Variants in SNX14 observed in about 807,000 individuals in gnomAD.
SNX14 encodes the protein sorting nexin-14.
Under a neutral mutation model 133.8 loss-of-function variants are expected in SNX14, and 93 were observed. The ratio of observed to expected loss-of-function variants is 0.70; its 90% CI spans 0.59 to 0.83. The LOEUF is 0.83. Among genes scored for constraint, SNX14 ranks in the 40% least tolerant of loss-of-function variants. The probability of loss-of-function intolerance (pLI) is 0.00; values close to 1 mark genes in which losing one functional copy is unlikely to be tolerated. For missense variants in SNX14, 945 were observed against 1,094.9 expected, an observed-to-expected ratio of 0.86 and a Z score of 1.93; for synonymous variants, 368 against 365.6, an observed-to-expected ratio of 1.01 and a Z score of -0.07.
chr6:85,556,403 G>GA (rs200591682), intron 7 of SNX14, among the ~76,000 whole-genome samples: 5 of 148,600 alleles, frequency 3.4e-5, no homozygotes, highest in Non-Finnish European at 6.0e-5. Flanking sequence ...ATCTCTGAAA[G>GA]AAAAAAAATT....
intron 1 of SNX14, chr6:85,581,953 C>A (rs1799184900): frequency 6.6e-6 from 1 of 151,986 alleles, no homozygotes; most frequent in African/African-American, 2.4e-5. Context: ...AGAGAACATC[C>A]CAAACCTAGA....
intron 5 of SNX14, among the ~76,000 whole-genome samples, chr6:85,567,122 A>AC (rs1158579439): frequency 6.6e-6 from 1 of 152,216 alleles, no homozygotes; most frequent in Admixed American, 6.5e-5. Context: ...TTAAATCACT[A>AC]CATTTAGGAG....
chr6:85,512,492 C>T (rs190959878), intron 26 of SNX14, among the ~76,000 whole-genome samples: 2 of 152,050 alleles, frequency 1.3e-5, no homozygotes, highest in African/African-American at 4.8e-5. Flanking sequence ...CGTGGTGGTG[C>T]AGGACTGTAG....
At chr6:85,548,492 G>C (rs1053946484) in intron 8 of SNX14, 116 bp from the exon 9 acceptor site, 3 of 763,110 alleles carry the variant, frequency 3.9e-6, no homozygotes, top group Non-Finnish European at 6.1e-6. Context: ...TAATTCAGTA[G>C]GTCTTGGTTA....
intron 8 of SNX14, 41 bp from the exon 9 acceptor site, chr6:85,548,417 T>C: frequency 1.4e-6 from 2 of 1,425,210 alleles, no homozygotes; most frequent in Non-Finnish European, 1.9e-6. Flanking sequence ...ATTTAGTGAT[T>C]TATATTAGTT....
intron 21 of SNX14, among the ~76,000 whole-genome samples, chr6:85,522,226 A>T (rs1422960929): frequency 1.3e-5 from 2 of 152,226 alleles, no homozygotes; most frequent in African/African-American, 4.8e-5. Flanking sequence ...TCACAAATCA[A>T]GTGTCCACAG....
intron 15 of SNX14, among the ~76,000 whole-genome samples, chr6:85,540,910 G>GCACACATTTACCTA (rs1783501626): frequency 6.6e-6 from 1 of 151,614 alleles, no homozygotes; most frequent in Non-Finnish European, 1.5e-5. Context: ...CACATATTAG[G>GCACACATTTACCTA]TAAATGAAAT....
chr6:85,521,421 C>T (rs1009293256), intron 21 of SNX14, among the ~76,000 whole-genome samples: 2 of 151,068 alleles, frequency 1.3e-5, no homozygotes, highest in African/African-American at 4.9e-5. Context: ...GTTTTTTTTT[C>T]GTAGAGACAG....
chr6:85,523,846 G>A lies in SNX14; in HGVS notation c.2107+2280C>T, dbSNP rs79953728. 5.6e-4 allele frequency among the ~76,000 whole-genome samples: 86 copies of A among 152,280 alleles called. 2 individuals are homozygous for A. In the East Asian group the frequency reaches 0.011, roughly 19 times the overall value. ...AATTTCAAGCATGGCTGAAATGACT[G>A]TAGTATCATTAACAGAATTACACGT... is the stretch of plus-strand genomic sequence containing the variant. On this transcript the variant is annotated intron_variant, in intron 21 of 28. Coordinates refer to ENST00000314673, the MANE Select transcript of SNX14 (RefSeq NM_153816.6).
Position 85,542,050 on chromosome 6 carries a change from A to T in SNX14, c.1390-7T>A. 1 of 1,517,794 alleles carries T rather than the reference A, an allele frequency of 6.6e-7. No individual in the cohort carries two copies. Among genetic ancestry groups the T allele is most frequent in the Non-Finnish European group, 9.0e-7 (1 of 1,116,758 alleles). 94.0% of individuals were successfully genotyped at this position (1,517,794 alleles called of 1,614,324 possible). ...TTAAAAGTTGTCTGAAATACTTTAA[A>T]ATAACAAATAATAATTATCATTTAT... On this transcript the variant is annotated splice_polypyrimidine_tract_variant and splice_region_variant and intron_variant, in intron 14 of 28. Transcript: ENST00000314673.
At chr6:85,587,129 C>T (rs1190383343) in intron 1 of SNX14, among the ~76,000 whole-genome samples, 1 of 152,132 alleles carries the variant, frequency 6.6e-6, no homozygotes. Context: ...ATCCTCCCAC[C>T]TCCACCTCCC....
At chr6:85,555,551 T>C (rs1360324388) in intron 7 of SNX14, among the ~76,000 whole-genome samples, 1 of 152,214 alleles carries the variant, frequency 6.6e-6, no homozygotes, top group Non-Finnish European at 1.5e-5. Context: ...GATCAGTGGT[T>C]GCCAGGGATT....
Position 85,526,162 on chromosome 6 carries a change from G to A in SNX14, c.2071C>T (p.Gln691Ter). The A allele has an allele frequency of 6.2e-7, 1 of 1,606,000 alleles. No homozygotes were observed. The highest frequency in any genetic ancestry group is 2.2e-5 in the East Asian group (1 of 44,636). Reference protein sequence around the residue: ...DFLSPNGGETQFLDKILPDVN... With the variant: ...DFLSPNGGET ...TCTGGTAGTATCTTATCAAGAAATT[G>A]TGTTTCCCCACCATTAGGGGAAAGA... Residue 691 changes from glutamine to a stop codon, truncating the protein, a stop_gained, in exon 21 of 29, where the codon CAA becomes TAA. Transcript: ENST00000314673. LOFTEE classifies it high-confidence loss of function.
At chr6:85,519,528 C>T (rs1316048594) in intron 21 of SNX14, among the ~76,000 whole-genome samples, 3 of 151,794 alleles carry the variant, frequency 2.0e-5, no homozygotes, top group African/African-American at 7.3e-5. Flanking sequence ...CTTTGGGAGG[C>T]TGAGGCAGGA....
chr6:85,547,277 T>C, intron 11 of SNX14, 40 bp downstream of exon 11: 1 of 1,611,038 alleles, frequency 6.2e-7, no homozygotes, highest in Non-Finnish European at 8.5e-7. Flanking sequence ...AGTTCTAAAA[T>C]TGTTTATATC....
At chr6:85,593,549 C>A (rs1306098763) in intron 1 of SNX14, 30 bp downstream of exon 1, 4 of 1,588,800 alleles carry the variant, frequency 2.5e-6, no homozygotes, top group Non-Finnish European at 2.6e-6. Flanking sequence ...GGAGAAAAGC[C>A]GCCGCCCAGG....
Position 85,514,796 on chromosome 6 carries a change from G to A in SNX14, c.2269-167C>T, listed in dbSNP as rs112699762. Among the ~76,000 whole-genome samples, 1,884 of 151,832 alleles carry A rather than the reference G, an allele frequency of 0.012. 46 individuals are homozygous for A. The highest frequency in any genetic ancestry group is 0.043 in the African/African-American group (1,797 of 41,364). On this transcript the variant is annotated intron_variant, in intron 23 of 28. Coordinates refer to ENST00000314673, the MANE Select transcript of SNX14 (RefSeq NM_153816.6). ...TTCTAAAATTCCCCATTTATGCCCCGAATTGCAATAAAAAATACATGTTCC... is the reference window on the plus strand; with the variant it reads ...TTCTAAAATTCCCCATTTATGCCCCAAATTGCAATAAAAAATACATGTTCC...
At chr6:85,541,429 A>T (rs977476612) in intron 15 of SNX14, among the ~76,000 whole-genome samples, 2 of 152,190 alleles carry the variant, frequency 1.3e-5, no homozygotes, top group African/African-American at 2.4e-5. Context: ...ATAAATCTAC[A>T]GAATAGATTT....
intron 19 of SNX14, among the ~76,000 whole-genome samples, chr6:85,529,847 A>G (rs1197688040): frequency 1.3e-5 from 2 of 152,242 alleles, no homozygotes; most frequent in African/African-American, 4.8e-5. Flanking sequence ...GAAATTCTTT[A>G]TAACTATATC....
Sources: allele counts gnomAD v4.1 joint callset (sites outside exome capture counted in the v4.1 genomes callset), GRCh38; gene constraint gnomAD v4.1.1; transcripts MANE v1.5; gene names NCBI Gene and HGNC (gene_info 2026-07-23, HGNC 2026-07-21).